H1-3: variants seen among roughly 807,000 people sequenced by gnomAD.
The protein encoded by H1-3 is H1.3 linker histone, cluster member, also known as histone H1.3.
In H1-3, 4 loss-of-function variants were observed where a neutral mutation model predicts 3.6. The observed-to-expected ratio is 1.12, with a 90% CI of 0.55 to 2.57. The LOEUF is 2.57. Ranked by LOEUF, H1-3 falls within the 30% of genes most tolerant of loss-of-function variation. The probability of loss-of-function intolerance (pLI) is 0.02; values close to 1 mark genes in which losing one functional copy is unlikely to be tolerated. For missense variants in H1-3, 670 were observed against 274.3 expected, an observed-to-expected ratio of 2.44 and a Z score of -10.19; for synonymous variants, 266 against 110.0, an observed-to-expected ratio of 2.42 and a Z score of -8.87.
Position 26,234,256 on chromosome 6 carries a change from G to T in H1-3, c.*12C>A. On this transcript the variant is annotated 3_prime_UTR_variant, in exon 1 of 1. Transcript: ENST00000244534. ...CCGTTTAAAATTTTCAAAGGGGAAC[G>T]TCCCGCCAGTTTCACTTTTTCTTCG... The T allele has an allele frequency of 6.3e-7, 1 of 1,583,664 alleles. No individual in the cohort carries two copies. Among genetic ancestry groups the T allele is most frequent in the Non-Finnish European group, 8.5e-7 (1 of 1,170,448 alleles).
Position 26,234,632 on chromosome 6 carries a change from C to G in H1-3, c.302G>C (p.Gly101Ala), listed in dbSNP as rs775414427. The G allele has an allele frequency of 6.2e-7, 1 of 1,614,152 alleles. No homozygotes were observed. Among genetic ancestry groups the G allele is most frequent in the South Asian group, 1.1e-5 (1 of 91,084 alleles). Reference sequence around the variant, plus strand: ...GTTGAGTTTGAAGGAGCCAGAAGCACCGGTACCTTTGGTCTGCACCAGAGT... The same window carrying G: ...GTTGAGTTTGAAGGAGCCAGAAGCAGCGGTACCTTTGGTCTGCACCAGAGT... ...KGTLVQTKGT[G>A]ASGSFKLNKK... Residue 101 changes from glycine (G) to alanine (A), a missense_variant, in exon 1 of 1, where the codon GGT becomes GCT. Gly to Ala is a moderately conservative substitution (Grantham distance 60). Transcript: ENST00000244534.
Position 26,234,222 on chromosome 6 carries a change from T to C in H1-3, c.*46A>G, listed in dbSNP as rs763404642. ...TTTGACTGAGACCTGTGGGTGGCTC[T>C]GAAAAGAGCCGTTTAAAATTTTCAA... is the stretch of plus-strand genomic sequence containing the variant. On this transcript the variant is annotated 3_prime_UTR_variant, in exon 1 of 1. Transcript: ENST00000244534. The C allele has an allele frequency of 6.5e-7, 1 of 1,546,096 alleles. No homozygotes were observed. Among genetic ancestry groups the C allele is most frequent in the Admixed American group, 2.1e-5 (1 of 46,516 alleles).
chr6:26,234,970 A>C lies in H1-3; in HGVS notation c.-37T>G, dbSNP rs1453453934. 13 of 1,547,438 alleles carry C rather than the reference A, an allele frequency of 8.4e-6. No homozygotes were observed. Among genetic ancestry groups the C allele is most frequent in the South Asian group, 1.2e-5 (1 of 81,126 alleles). On this transcript the variant is annotated 5_prime_UTR_variant, in exon 1 of 1. Transcript: ENST00000244534. ...CCCAGAAAAGACAATAAGTAATCTC[A>C]AACTGTCAGAACAGCATGTCCTCTA...
In H1-3 at chr6:26,234,649, C is replaced by G; in HGVS notation, c.285G>C (p.Val95=). The change falls in exon 1 of 1, where the codon GTG becomes GTC. Residue 95 remains valine, a synonymous_variant. Transcript: ENST00000244534. ...LKSLVSKGTL[V]QTKGTGASGS... ...CAGAAGCACCGGTACCTTTGGTCTG[C>G]ACCAGAGTACCTTTGCTCACCAAGC... 6.2e-7 allele frequency: 1 copy of G among 1,614,180 alleles called. No homozygotes were observed. Among genetic ancestry groups the G allele is most frequent in the Non-Finnish European group, 8.5e-7 (1 of 1,180,028 alleles).
In H1-3 at chr6:26,234,983, A is replaced by G; in HGVS notation, c.-50T>C. On this transcript the variant is annotated 5_prime_UTR_variant, in exon 1 of 1. Coordinates refer to ENST00000244534, the MANE Select transcript of H1-3 (RefSeq NM_005320.3). ...ATAAGTAATCTCAAACTGTCAGAACAGCATGTCCTCTACGAGGGAGGCTGA... is the reference window on the plus strand; with the variant it reads ...ATAAGTAATCTCAAACTGTCAGAACGGCATGTCCTCTACGAGGGAGGCTGA... 2.0e-6 allele frequency: 3 copies of G among 1,512,650 alleles called. No individual in the cohort carries two copies. The highest frequency in any genetic ancestry group is 2.1e-5 in the Admixed American group (1 of 48,438). 93.7% of individuals were successfully genotyped at this position (1,512,650 alleles called of 1,614,324 possible). A position where few individuals can be genotyped will look rare whatever the true frequency, so the allele number is the denominator to read the frequency against.
Position 26,234,357 on chromosome 6 carries a change from C to T in H1-3, c.577G>A (p.Ala193Thr), listed in dbSNP as rs1418051423. 6.2e-7 allele frequency: 1 copy of T among 1,614,120 alleles called. No homozygotes were observed. Among genetic ancestry groups the T allele is most frequent in the African/African-American group, 1.3e-5 (1 of 74,940 alleles). ...PKKAAKSPAKAKAPKPKAAKP... is the reference protein window; with the variant it reads ...PKKAAKSPAKTKAPKPKAAKP... ...GCCGCCTTGGGCTTAGGGGCTTTGG[C>T]CTTAGCTGGACTCTTGGCAGCTTTT... The change falls in exon 1 of 1, where the codon GCC (alanine) becomes ACC (threonine). Residue 193 changes from alanine to threonine, a missense_variant. Ala to Thr is a moderately conservative substitution (Grantham distance 58). Transcript: ENST00000244534.
Position 26,234,673 on chromosome 6 carries a change from G to C in H1-3, c.261C>G (p.Ser87Arg), listed in dbSNP as rs775041809. The C allele has an allele frequency of 1.9e-6, 3 of 1,614,166 alleles. No individual in the cohort carries two copies. The highest frequency in any genetic ancestry group is 1.7e-6 in the Non-Finnish European group (2 of 1,180,020). The stretch of plus-strand genomic sequence containing the variant: ...GCACCAGAGTACCTTTGCTCACCAA[G>C]CTCTTGAGGCCAAGCTTGATACGGC... ...NNSRIKLGLK[S>R]LVSKGTLVQT... The change falls in exon 1 of 1, where the codon AGC (serine) becomes AGG (arginine). Residue 87 changes from serine to arginine, a missense_variant. Coordinates refer to ENST00000244534, the MANE Select transcript of H1-3 (RefSeq NM_005320.3).
chr6:26,234,894 G>C lies in H1-3; in HGVS notation c.40C>G (p.Pro14Ala), dbSNP rs766988164. The C allele has an allele frequency of 1.2e-6, 2 of 1,612,578 alleles. No homozygotes were observed. Among genetic ancestry groups the C allele is most frequent in the African/African-American group, 1.3e-5 (1 of 74,810 alleles). ...TTCTTCACAGGTGTTTTTTCTGCGG[G>C]TGCAGGAATGGTAGGAGCAAGTGGA... ...TAPLAPTIPA[P>A]AEKTPVKKKA... is the part of the protein sequence containing the mutation. The change falls in exon 1 of 1, where the codon CCC becomes GCC. Residue 14 changes from proline to alanine, a missense_variant. Transcript: ENST00000244534.
chr6:26,234,935 T>C lies in H1-3; in HGVS notation c.-2A>G, dbSNP rs756730837. The C allele has an allele frequency of 1.3e-6, 2 of 1,593,182 alleles. No homozygotes were observed. The highest frequency in any genetic ancestry group is 1.1e-5 in the South Asian group (1 of 88,284). On this transcript the variant is annotated 5_prime_UTR_variant, in exon 1 of 1. Transcript: ENST00000244534. ...AGCAAGTGGAGCAGTCTCCGACATG[T>C]TTTTGTCTTCCCAGAAAAGACAATA...
rs758615680 is a variant in H1-3 at position 26,234,872 on chromosome 6, T to G, written c.62A>C (p.Lys21Thr). ...TGCGCCTGCCTTCTTCGCCTTTTTC[T>G]TCACAGGTGTTTTTTCTGCGGGTGC... ...IPAPAEKTPV[K>T]KKAKKAGATA... The change falls in exon 1 of 1, where the codon AAG becomes ACG. Residue 21 changes from lysine (K) to threonine (T), a missense_variant. Lys to Thr is a moderately conservative substitution (Grantham distance 78). Coordinates refer to ENST00000244534, the MANE Select transcript of H1-3 (RefSeq NM_005320.3). 1.9e-6 allele frequency: 3 copies of G among 1,613,644 alleles called. No individual in the cohort carries two copies. Among genetic ancestry groups the G allele is most frequent in the South Asian group, 1.1e-5 (1 of 91,010 alleles).
rs199618509 is a variant in H1-3 at position 26,234,293 on chromosome 6, T to C, written c.641A>G (p.Lys214Arg). The C allele has an allele frequency of 6.6e-5, 106 of 1,602,746 alleles. No individual in the cohort carries two copies. Among genetic ancestry groups the C allele is most frequent in the Non-Finnish European group, 8.3e-5 (98 of 1,176,868 alleles). ...KSGKPKVTKA[K>R]KAAPKKK ...TCACTTTTTCTTCGGAGCTGCCTTC[T>C]TTGCCTTTGTAACCTTCGGCTTCCC... The change falls in exon 1 of 1, where the codon AAG becomes AGG. Residue 214 changes from lysine (K) to arginine (R), a missense_variant. Physicochemically the swap from Lys to Arg is conservative, Grantham distance 26 (BLOSUM62 2). Transcript: ENST00000244534.
Position 26,234,927 on chromosome 6 carries a change from C to CCGACATGTT in H1-3, c.-3_6dup (p.Ser2_Glu3insAsnMetSer). 1.3e-6 allele frequency: 2 copies of CCGACATGTT among 1,599,344 alleles called. No homozygotes were observed. On this transcript the variant is annotated inframe_insertion, in exon 1 of 1. Coordinates refer to ENST00000244534, the MANE Select transcript of H1-3 (RefSeq NM_005320.3). ...ATGGTAGGAGCAAGTGGAGCAGTCT[C>CCGACATGTT]CGACATGTTTTTGTCTTCCCAGAAA...
chr6:26,234,380 T>C lies in H1-3; in HGVS notation c.554A>G (p.Lys185Arg), dbSNP rs1367255542. 6.3e-7 allele frequency: 1 copy of C among 1,594,884 alleles called. No homozygotes were observed. Residue 185 changes from lysine to arginine, a missense_variant, in exon 1 of 1, where the codon AAA becomes AGA. Physicochemically the swap from Lys to Arg is conservative, Grantham distance 26. Transcript: ENST00000244534. ...GGCCTTAGCTGGACTCTTGGCAGCT[T>C]TTTTTGGCTGAGGTGTTTTCACCTT... ...AKKVKTPQPK[K>R]AAKSPAKAKA...
chr6:26,234,375 C>G lies in H1-3; in HGVS notation c.559G>C (p.Ala187Pro). The G allele has an allele frequency of 6.2e-7, 1 of 1,614,214 alleles. No homozygotes were observed. Among genetic ancestry groups the G allele is most frequent in the South Asian group, 1.1e-5 (1 of 91,088 alleles). The part of the protein sequence containing the change: ...KVKTPQPKKA[A>P]KSPAKAKAPK... ...GCTTTGGCCTTAGCTGGACTCTTGG[C>G]AGCTTTTTTTGGCTGAGGTGTTTTC... The change falls in exon 1 of 1, where the codon GCC becomes CCC. Residue 187 changes from alanine (A) to proline (P), a missense_variant. Transcript: ENST00000244534.
chr6:26,234,230 G>A lies in H1-3; in HGVS notation c.*38C>T, dbSNP rs753451215. 5.8e-6 allele frequency: 9 copies of A among 1,558,492 alleles called. No individual in the cohort carries two copies. Among genetic ancestry groups the A allele is most frequent in the African/African-American group, 1.4e-5 (1 of 72,166 alleles). On this transcript the variant is annotated 3_prime_UTR_variant, in exon 1 of 1. Transcript: ENST00000244534. Reference sequence around the variant, plus strand: ...AGACCTGTGGGTGGCTCTGAAAAGAGCCGTTTAAAATTTTCAAAGGGGAAC... The same window carrying A: ...AGACCTGTGGGTGGCTCTGAAAAGAACCGTTTAAAATTTTCAAAGGGGAAC...
rs1231268796 is a variant in H1-3 at position 26,234,387 on chromosome 6, G to A, written c.547C>T (p.Pro183Ser). The A allele has an allele frequency of 1.2e-6, 2 of 1,614,174 alleles. No homozygotes were observed. Among genetic ancestry groups the A allele is most frequent in the African/African-American group, 1.3e-5 (1 of 75,038 alleles). Residue 183 changes from proline (P) to serine (S), a missense_variant, in exon 1 of 1, where the codon CCA becomes TCA. By Grantham distance (74) the Pro-to-Ser change is moderately conservative. Coordinates refer to ENST00000244534, the MANE Select transcript of H1-3 (RefSeq NM_005320.3). ...KSAKKVKTPQ[P>S]KKAAKSPAKA... ...GCTGGACTCTTGGCAGCTTTTTTTG[G>A]CTGAGGTGTTTTCACCTTTTTCGCA...
In H1-3 at chr6:26,234,672, A is replaced by G. The variant is rs1561996080; in HGVS notation, c.262T>C (p.Leu88=). 6.2e-7 allele frequency: 1 copy of G among 1,614,128 alleles called. No homozygotes were observed. Residue 88 remains leucine (L), a synonymous_variant, in exon 1 of 1, where the codon TTG becomes CTG. Coordinates refer to ENST00000244534, the MANE Select transcript of H1-3 (RefSeq NM_005320.3). ...NSRIKLGLKS[L]VSKGTLVQTK... The stretch of plus-strand genomic sequence containing the variant: ...TGCACCAGAGTACCTTTGCTCACCA[A>G]GCTCTTGAGGCCAAGCTTGATACGG...
At position 26,234,638 on chromosome 6, in the gene H1-3, C is replaced by T. The variant is rs764003776; in HGVS notation, c.296G>A (p.Gly99Asp). ...VSKGTLVQTK[G>D]TGASGSFKLN... ...TTTGAAGGAGCCAGAAGCACCGGTA[C>T]CTTTGGTCTGCACCAGAGTACCTTT... The change falls in exon 1 of 1, where the codon GGT becomes GAT. Residue 99 changes from glycine to aspartate, a missense_variant. By Grantham distance (94) the Gly-to-Asp change is moderately conservative (BLOSUM62 -1). Transcript: ENST00000244534. 9.9e-6 allele frequency: 16 copies of T among 1,614,174 alleles called. No homozygotes were observed. The highest frequency in any genetic ancestry group is 6.8e-6 in the Non-Finnish European group (8 of 1,180,028).
chr6:26,234,424 T>C lies in H1-3; in HGVS notation c.510A>G (p.Lys170=). 4 of 1,614,218 alleles carry C rather than the reference T, an allele frequency of 2.5e-6. No individual in the cohort carries two copies. Among genetic ancestry groups the C allele is most frequent in the South Asian group, 1.1e-5 (1 of 91,090 alleles). The change falls in exon 1 of 1, where the codon AAA becomes AAG. Residue 170 remains lysine (K), a synonymous_variant. Coordinates refer to ENST00000244534, the MANE Select transcript of H1-3 (RefSeq NM_005320.3). ...TCACCTTTTTCGCACTCTTGGCCAC[T>C]TTCTTGGTCCCAGCAGCGGTTGCTG... is the stretch of plus-strand genomic sequence containing the variant. ...KKPATAAGTK[K]VAKSAKKVKT...
Sources: allele counts gnomAD v4.1 joint callset, GRCh38; gene constraint gnomAD v4.1.1; transcripts MANE v1.5; gene names NCBI Gene and HGNC (gene_info 2026-07-23, HGNC 2026-07-21).